NAV2: variants seen among roughly 807,000 people sequenced by gnomAD.
NAV2 encodes neuron navigator 2, also known as helicase, APC down-regulated 1.
In NAV2, 54 loss-of-function variants were observed where a neutral mutation model predicts 223.2. The ratio of observed to expected loss-of-function variants is 0.24; its 90% CI spans 0.19 to 0.30. The LOEUF (loss-of-function observed/expected upper bound fraction) is 0.30, where lower values mean the gene tolerates loss of function less well. Among genes scored for constraint, NAV2 ranks in the 10% least tolerant of loss-of-function variants. The pLI is 1.00. For missense variants in NAV2, 2,806 were observed against 3,147.5 expected (o/e 0.89, Z 2.60); for synonymous variants, 1,279 against 1,239.3 (o/e 1.03, Z -0.67).
chr11:19,483,841 G>C (rs2042355564), intron 1 of NAV2, among the ~76,000 whole-genome samples: 1 of 152,090 alleles, frequency 6.6e-6, no homozygotes, highest in African/African-American at 2.4e-5. Flanking sequence ...CACTGTTCTT[G>C]TCTTTCAGAA....
chr11:20,001,854 T>TA (rs565297370), intron 11 of NAV2, among the ~76,000 whole-genome samples: 95 of 146,234 alleles, frequency 6.5e-4, no homozygotes, highest in East Asian at 2.4e-3. Flanking sequence ...TAAAGTGTAA[T>TA]AAAAAAAAAA....
At chr11:20,112,185 G>A (rs1203701034) in intron 36 of NAV2, among the ~76,000 whole-genome samples, 1 of 152,150 alleles carries the variant, frequency 6.6e-6, no homozygotes, top group African/African-American at 2.4e-5. Flanking sequence ...TCCCACTTTT[G>A]CATTCTCTTC....
chr11:20,082,906 A>C lies in NAV2; in HGVS notation c.5326-101A>C, dbSNP rs190114024. The C allele has an allele frequency of 4.4e-6, 5 of 1,149,346 alleles. No individual in the cohort carries two copies. The African/African-American group carries it at 6.2e-5, about 14-fold the overall frequency. The allele number at this position is 1,149,346 out of a possible 1,614,324, so 71.2% of individuals were successfully genotyped here. A position where few individuals can be genotyped will look rare whatever the true frequency, so the allele number is the denominator to read the frequency against. On this transcript the variant is annotated intron_variant, in intron 25 of 37. Transcript: ENST00000349880. ...ACCTCTTCCATTGGTGGGGGGAAAAACATGGGAGAATTAATCGCTTTTTTG... is the reference window on the plus strand; with the variant it reads ...ACCTCTTCCATTGGTGGGGGGAAAACCATGGGAGAATTAATCGCTTTTTTG...
intron 1 of NAV2, among the ~76,000 whole-genome samples, chr11:19,827,615 G>A (rs2059706496): frequency 1.3e-5 from 2 of 152,210 alleles, no homozygotes; most frequent in South Asian, 2.1e-4. Context: ...CACACACGCT[G>A]CCTCCCCTTC....
At chr11:19,740,515 C>T (rs919659526) in intron 1 of NAV2, among the ~76,000 whole-genome samples, 2 of 152,036 alleles carry the variant, frequency 1.3e-5, no homozygotes, top group Admixed American at 1.3e-4. Context: ...TCCTGTGACC[C>T]TGCCACATCC....
At chr11:19,490,526 A>G (rs2042590056) in intron 1 of NAV2, among the ~76,000 whole-genome samples, 1 of 152,242 alleles carries the variant, frequency 6.6e-6, no homozygotes, top group African/African-American at 2.4e-5. Flanking sequence ...ATCCATAAGA[A>G]GCAACTTCTC....
intron 1 of NAV2, among the ~76,000 whole-genome samples, chr11:19,494,373 C>T (rs1427125607): frequency 1.3e-5 from 2 of 152,234 alleles, no homozygotes; most frequent in East Asian, 3.8e-4. Flanking sequence ...GGCCCCAAAT[C>T]ATTCTTCTTT....
chr11:19,361,920 G>T (rs1853974937), intron 1 of NAV2, among the ~76,000 whole-genome samples: 2 of 152,148 alleles, frequency 1.3e-5, no homozygotes, highest in Non-Finnish European at 2.9e-5. Context: ...GGGTTAAGAG[G>T]AGAATCCCTA....
At chr11:19,464,636 G>A (rs1852285218) in intron 1 of NAV2, among the ~76,000 whole-genome samples, 1 of 152,226 alleles carries the variant, frequency 6.6e-6, no homozygotes, top group Non-Finnish European at 1.5e-5. Context: ...TTGCCCAGGA[G>A]ATGTGGTTCA....
chr11:20,030,092 G>T (rs1002536168), intron 11 of NAV2, among the ~76,000 whole-genome samples: 1 of 152,220 alleles, frequency 6.6e-6, no homozygotes, highest in Non-Finnish European at 1.5e-5. Context: ...TTAGTTTCCA[G>T]GAGGAGGCCG....
At chr11:19,596,466 A>C (rs1375466210) in intron 1 of NAV2, among the ~76,000 whole-genome samples, 4 of 152,134 alleles carry the variant, frequency 2.6e-5, no homozygotes, top group African/African-American at 9.7e-5. Flanking sequence ...CCTTCCCCTG[A>C]GTCTCTCTGT....
intron 1 of NAV2, among the ~76,000 whole-genome samples, chr11:19,563,697 A>T (rs1306352304): frequency 1.3e-5 from 2 of 152,128 alleles, no homozygotes; most frequent in Non-Finnish European, 2.9e-5. Flanking sequence ...TGCCCCCAAA[A>T]GTTGGAGAAC....
intron 6 of NAV2, among the ~76,000 whole-genome samples, chr11:19,894,950 G>A (rs957025558): frequency 5.8e-4 from 86 of 148,806 alleles, no homozygotes; most frequent in African/African-American, 1.8e-3. Context: ...GGCTGGTCTC[G>A]AACTCCCAAC....
At chr11:20,033,619 C>T (rs189986829) in intron 11 of NAV2, among the ~76,000 whole-genome samples, 29 of 152,310 alleles carry the variant, frequency 1.9e-4, no homozygotes, top group African/African-American at 6.7e-4. Flanking sequence ...GCCTCATCCT[C>T]CCACCTTGGG....
Position 20,096,959 on chromosome 11 carries a change from T to C in NAV2, c.6013-618T>C, listed in dbSNP as rs139966839. 2.7e-3 allele frequency among the ~76,000 whole-genome samples: 417 copies of C among 152,340 alleles called. 3 individuals carry two copies. The highest frequency in any genetic ancestry group is 0.027 in the South Asian group (132 of 4,828). Reference sequence around the variant, plus strand: ...CATAGTAAGTGAGGAAATGAGACCATGCAAAGCCTGTTACTGGGATTCCAC... The same window carrying C: ...CATAGTAAGTGAGGAAATGAGACCACGCAAAGCCTGTTACTGGGATTCCAC... On this transcript the variant is annotated intron_variant, in intron 30 of 37. Transcript: ENST00000349880.
chr11:19,564,367 A>G (rs751901791), intron 1 of NAV2, among the ~76,000 whole-genome samples: 1 of 152,118 alleles, frequency 6.6e-6, no homozygotes, highest in Non-Finnish European at 1.5e-5. Context: ...CTTTTCCTCT[A>G]ATTGCTCAAA....
At chr11:20,112,470 G>A (rs2062717216) in intron 36 of NAV2, among the ~76,000 whole-genome samples, 1 of 152,186 alleles carries the variant, frequency 6.6e-6, no homozygotes, top group Non-Finnish European at 1.5e-5. Context: ...CATCTGAGAA[G>A]GGGCAGGGTG....
rs536710879 is a variant in NAV2 at position 19,531,911 on chromosome 11, A to C, written c.75+180884A>C. Among the ~76,000 whole-genome samples the C allele has an allele frequency of 2.3e-4, 35 of 152,336 alleles. No homozygotes were observed. In the South Asian group the frequency reaches 3.9e-3, roughly 17 times the overall value. On this transcript the variant is annotated intron_variant, in intron 1 of 37. Transcript: ENST00000360655. ...TGGAAAAAATGTGTGGTTTAGAGTC[A>C]ATGGGATTTAGTAAGTTTGGGAGTT... is the stretch of plus-strand genomic sequence containing the variant.
chr11:19,857,733 G>A (rs1010866907), intron 3 of NAV2, among the ~76,000 whole-genome samples: 2 of 152,148 alleles, frequency 1.3e-5, no homozygotes, highest in African/African-American at 4.8e-5. Flanking sequence ...CTGCAAAAAC[G>A]ACTTGATTTT....
Sources: gnomAD v4.1 joint callset for allele counts (sites outside exome capture counted in the v4.1 genomes callset) on GRCh38, gnomAD v4.1.1 for gene constraint, MANE v1.5 for transcripts, NCBI Gene and HGNC (gene_info 2026-07-23, HGNC 2026-07-21) for gene names.